The following NR6A1 variants were observed in gnomAD, a reference collection of about 807,000 sequenced individuals.
The protein encoded by NR6A1 is retinoic acid receptor-related testis-associated receptor.
A neutral mutation model predicts 59.1 loss-of-function variants in NR6A1; 7 were observed. The ratio of observed to expected loss-of-function variants is 0.12; its 90% confidence interval spans 0.07 to 0.22. The LOEUF is 0.22. Ranked by LOEUF, NR6A1 falls within the 10% of genes least tolerant of loss-of-function variation. The pLI is 1.00. For missense variants in NR6A1, 468 were observed against 611.6 expected (o/e 0.77, Z 2.48); for synonymous variants, 243 against 236.1 (o/e 1.03, Z -0.27).
chr9:124,611,037 T>TAG (rs2130841825), intron 2 of NR6A1, among the ~76,000 whole-genome samples: 1 of 152,274 alleles, frequency 6.6e-6, no homozygotes, highest in South Asian at 2.1e-4. Flanking sequence ...ACCCATTCAG[T>TAG]AGTTTAGCCT....
intron 2 of NR6A1, among the ~76,000 whole-genome samples, chr9:124,575,352 C>T (rs1834557306): frequency 6.6e-6 from 1 of 152,132 alleles, no homozygotes; most frequent in African/African-American, 2.4e-5. Flanking sequence ...GGCGGGCAGA[C>T]TGTCTGAGCT....
chr9:124,770,772 G>A (rs1207304363), intron 1 of NR6A1, among the ~76,000 whole-genome samples: 2 of 149,150 alleles, frequency 1.3e-5, no homozygotes, highest in Non-Finnish European at 3.0e-5. Context: ...CGGTGCCCAG[G>A]GACCCGGGCA....
chr9:124,554,681 A>G, intron 2 of NR6A1, 111 bp from the exon 3 acceptor site: 2 of 1,389,352 alleles, frequency 1.4e-6, no homozygotes, highest in Non-Finnish European at 2.0e-6. Flanking sequence ...CTCCAGGCTA[A>G]AGGGCAAACA....
chr9:124,615,432 T>C (rs1835860330), intron 2 of NR6A1, among the ~76,000 whole-genome samples: 1 of 152,162 alleles, frequency 6.6e-6, no homozygotes, highest in South Asian at 2.1e-4. Flanking sequence ...TATAGCACCT[T>C]TAAAATCCTG....
intron 2 of NR6A1, among the ~76,000 whole-genome samples, chr9:124,619,739 T>A (rs990875659): frequency 1.3e-5 from 2 of 152,152 alleles, no homozygotes; most frequent in African/African-American, 4.8e-5. Context: ...ACATATTGCC[T>A]TCAAAGGATT....
chr9:124,556,215 G>A (rs909108224), intron 2 of NR6A1, among the ~76,000 whole-genome samples: 2 of 152,194 alleles, frequency 1.3e-5, no homozygotes, highest in East Asian at 1.9e-4. Context: ...GGGTGGGCCC[G>A]AAATACAATC....
At chr9:124,655,604 C>G (rs947481828) in intron 2 of NR6A1, among the ~76,000 whole-genome samples, 6 of 152,132 alleles carry the variant, frequency 3.9e-5, no homozygotes, top group South Asian at 2.1e-4. Context: ...CACAGTGTAA[C>G]AGGAAAGATG....
chr9:124,630,100 T>C (rs1304627186), intron 2 of NR6A1, among the ~76,000 whole-genome samples: 7 of 151,704 alleles, frequency 4.6e-5, no homozygotes, highest in Admixed American at 4.6e-4. Context: ...TACCTACAAA[T>C]ACAGAGCTAT....
At chr9:124,529,339 C>T (rs1833030852) in intron 7 of NR6A1, among the ~76,000 whole-genome samples, 1 of 152,150 alleles carries the variant, frequency 6.6e-6, no homozygotes, top group African/African-American at 2.4e-5. Context: ...CCTTTGTTTA[C>T]ATGTGGAAAT....
intron 2 of NR6A1, among the ~76,000 whole-genome samples, chr9:124,680,743 C>A (rs1434326224): frequency 6.6e-6 from 1 of 152,316 alleles, no homozygotes; most frequent in African/African-American, 2.4e-5. Flanking sequence ...AACTCCAAAG[C>A]AGTGGTTCTC....
chr9:124,526,958 G>C (rs1195171338), intron 7 of NR6A1, 58 bp from the exon 8 acceptor site: 1 of 1,604,466 alleles, frequency 6.2e-7, no homozygotes, highest in Non-Finnish European at 8.5e-7. Flanking sequence ...GGCCAGGAAA[G>C]GGCAGCCAGA....
chr9:124,600,668 T>C lies in NR6A1; in HGVS notation c.143-46098A>G, dbSNP rs1362536846. ...CCACTCCATACTAACTCACAAGCAG[T>C]GCACATACACTAAACAGATAAATGA... On this transcript the variant is annotated intron_variant, in intron 2 of 9. Coordinates refer to ENST00000487099, the MANE Select transcript of NR6A1 (RefSeq NM_033334.4). 3.3e-5 allele frequency among the ~76,000 whole-genome samples: 5 copies of C among 152,248 alleles called. No homozygotes were observed. In the East Asian group the frequency reaches 9.7e-4, roughly 29 times the overall value.
At chr9:124,727,813 T>C (rs1399957123) in intron 2 of NR6A1, among the ~76,000 whole-genome samples, 3 of 151,852 alleles carry the variant, frequency 2.0e-5, no homozygotes, top group Non-Finnish European at 4.4e-5. Context: ...GCCTCCCAAG[T>C]AACTGAGATT....
intron 2 of NR6A1, among the ~76,000 whole-genome samples, chr9:124,697,894 C>T (rs954486996): frequency 2.0e-5 from 3 of 152,174 alleles, no homozygotes; most frequent in African/African-American, 7.2e-5. Context: ...ATAGTATTTG[C>T]TTCACAGGGC....
At chr9:124,643,957 G>T (rs926049584) in intron 2 of NR6A1, among the ~76,000 whole-genome samples, 1 of 152,130 alleles carries the variant, frequency 6.6e-6, no homozygotes, top group African/African-American at 2.4e-5. Flanking sequence ...CTGGGGTGCA[G>T]TGGCGCGATA....
At chr9:124,758,155 CATTAGGTGATTGA>C (rs1232592830) in intron 1 of NR6A1, among the ~76,000 whole-genome samples, 1 of 138,206 alleles carries the variant, frequency 7.2e-6, no homozygotes, top group Non-Finnish European at 1.6e-5. Context: ...TATTTTCCCA[CATTAGGTGATTGA>C]TTAAGTTCTC....
intron 2 of NR6A1, among the ~76,000 whole-genome samples, chr9:124,666,979 A>G (rs1426327057): frequency 2.0e-5 from 3 of 151,826 alleles, no homozygotes; most frequent in African/African-American, 7.3e-5. Context: ...AACACCACAG[A>G]TGCTTCGTAT....
chr9:124,652,132 G>A (rs1837124768), intron 2 of NR6A1, among the ~76,000 whole-genome samples: 1 of 152,204 alleles, frequency 6.6e-6, no homozygotes, highest in South Asian at 2.1e-4. Flanking sequence ...AGTCTGGATT[G>A]ATTTAAAGTG....
Position 124,536,039 on chromosome 9 carries a change from A to G in NR6A1, c.918T>C (p.Pro306=), listed in dbSNP as rs369792812. The G allele has an allele frequency of 4.3e-6, 7 of 1,614,106 alleles. No homozygotes were observed. The highest frequency in any genetic ancestry group is 1.7e-5 in the Admixed American group (1 of 60,010). ...FRQIAWIKKL[P]FFCELSIKDY... ...CCTTGATTGAGAGCTCGCAGAAGAA[A>G]GGCAGTTTCTTGATCCAGGCAATCT... The change falls in exon 7 of 10, where the codon CCT becomes CCC. Residue 306 remains proline (P), a synonymous_variant. Transcript: ENST00000487099.
Sources: gnomAD v4.1 joint callset for allele counts (sites outside exome capture counted in the v4.1 genomes callset) on GRCh38, gnomAD v4.1.1 for gene constraint, MANE v1.5 for transcripts, NCBI Gene and HGNC (gene_info 2026-07-23, HGNC 2026-07-21) for gene names.